The following ELAC2 variants were observed in gnomAD, a reference collection of about 807,000 sequenced individuals.
ELAC2 encodes elaC ribonuclease Z 2, also known as zinc phosphodiesterase ELAC protein 2.
ELAC2 carries 92 observed loss-of-function variants against 105.2 expected under a neutral mutation model. That is an observed-to-expected ratio of 0.87 (90% confidence interval 0.74 to 1.04). The LOEUF (loss-of-function observed/expected upper bound fraction) is 1.04, where lower values mean the gene tolerates loss of function less well. Among genes scored for constraint, ELAC2 ranks in the 50% least tolerant of loss-of-function variants. The probability of loss-of-function intolerance (pLI) is 0.00; values close to 1 mark genes in which losing one functional copy is unlikely to be tolerated. For missense variants in ELAC2, 1,099 were observed against 1,071.7 expected, an observed-to-expected ratio of 1.03 and a Z score of -0.36; for synonymous variants, 468 against 409.1, an observed-to-expected ratio of 1.14 and a Z score of -1.74.
chr17:13,017,590 C>G, intron 1 of ELAC2, 113 bp downstream of exon 1: 2 of 1,556,614 alleles, frequency 1.3e-6, no homozygotes, highest in Admixed American at 3.7e-5. Flanking sequence ...ACCCCCGCAA[C>G]AGTGAACCAC....
chr17:13,004,490 G>A (rs1043993899), intron 11 of ELAC2, among the ~76,000 whole-genome samples: 2 of 152,280 alleles, frequency 1.3e-5, no homozygotes, highest in South Asian at 2.1e-4. Flanking sequence ...AAGCTGAACC[G>A]CAAAACTGGT....
Position 12,994,999 on chromosome 17 carries a change from CA to C in ELAC2, c.1871del (p.Leu624Ter). ...CACATGTTCGCAACAGCGAACTGAT[CA>C]ATCTTTCCACTGCAGGACTGGAGAT... Reference protein sequence around the residue: ...AEISSPAVERLISSLLRTCDL... With the variant: ...AEISSPAVERXISSLLRTCDL... On this transcript the variant is annotated frameshift_variant, in exon 20 of 24. Transcript: ENST00000338034. LOFTEE classifies it high-confidence loss of function. 6.2e-7 allele frequency: 1 copy of C among 1,614,220 alleles called. No homozygotes were observed.
At chr17:12,996,454 T>C (rs2040472212) in intron 17 of ELAC2, 93 bp downstream of exon 17, 2 of 1,594,332 alleles carry the variant, frequency 1.3e-6, no homozygotes, top group South Asian at 1.1e-5. Context: ...CTGGGCAAGT[T>C]TGGAAGCGGA....
At position 12,992,780 on chromosome 17, in the gene ELAC2, A is replaced by C; in HGVS notation, c.*38T>G. On this transcript the variant is annotated 3_prime_UTR_variant, in exon 24 of 24. Transcript: ENST00000338034. ...GATACGGGTGCGTGCGTGGGGCAGA[A>C]GACACACAGCCTTCTGAGTTCAGGG... 1 of 1,611,162 alleles carries C rather than the reference A, an allele frequency of 6.2e-7. No homozygotes were observed. The highest frequency in any genetic ancestry group is 8.5e-7 in the Non-Finnish European group (1 of 1,177,856).
Position 13,011,749 on chromosome 17 carries a change from T to C in ELAC2, c.593A>G (p.Gln198Arg), listed in dbSNP as rs568542622. Residue 198 changes from glutamine to arginine, a missense_variant, in exon 7 of 24, where the codon CAG becomes CGG. Gln to Arg is a conservative substitution (Grantham distance 43). Transcript: ENST00000338034. ...CCTGCTGAGAGGCCTTTCTGGACTC[T>C]GCCATGGTTGGTGCTTTCCCCTCCT... ...EQRRGKHQPW[Q>R]SPERPLSRLS... The C allele has an allele frequency of 3.1e-6, 5 of 1,614,232 alleles. No individual in the cohort carries two copies. Among genetic ancestry groups the C allele is most frequent in the Admixed American group, 3.3e-5 (2 of 60,024 alleles).
At chr17:13,006,357 GAA>G (rs369728521) in intron 8 of ELAC2, 4 of 218,042 alleles carry the variant, frequency 1.8e-5, no homozygotes, top group South Asian at 1.4e-4. Context: ...CAACAAAAGC[GAA>G]AGTCTGTCTC....
rs2040174558 is a variant in ELAC2 at position 12,991,846 on chromosome 17, A to AACTTACTTT, written c.*971_*972insAAAGTAAGT. Among the ~76,000 whole-genome samples the AACTTACTTT allele has an allele frequency of 6.6e-6, 1 of 151,352 alleles. No homozygotes were observed. The highest frequency in any genetic ancestry group is 2.4e-5 in the African/African-American group (1 of 41,214). ...AATATACACAATAAATACTAGATTC[A>AACTTACTTT]ACTTACTTACTTACTTACTTACTTT... On this transcript the variant is annotated 3_prime_UTR_variant, in exon 24 of 24. Coordinates refer to ENST00000338034, the MANE Select transcript of ELAC2 (RefSeq NM_018127.7).
rs552626383 is a variant in ELAC2, at chr17:13,004,979, C to A, written c.983+10G>T. On this transcript the variant is annotated intron_variant, in intron 11 of 23. Transcript: ENST00000338034. ...CTCTCACTTCTCCCACCCTAGAGAC[C>A]CCTCATTACCTCTGAAAGGTGGCAT... is the stretch of plus-strand genomic sequence containing the variant. 3.9e-5 allele frequency: 63 copies of A among 1,601,502 alleles called. No individual in the cohort carries two copies. The highest frequency in any genetic ancestry group is 5.4e-5 in the Non-Finnish European group (63 of 1,168,766).
At chr17:12,994,725 A>C in intron 21 of ELAC2, 39 bp downstream of exon 21, 1 of 1,613,370 alleles carries the variant, frequency 6.2e-7, no homozygotes, top group East Asian at 2.2e-5. Context: ...CACAAACCCC[A>C]GAGCAACCTC....
rs1490740237 is a variant in ELAC2 at position 13,002,515 on chromosome 17, T to C, written c.1144A>G (p.Ser382Gly). ...TTGAGCTGGGTTTGAATCTTGTGGCTGCGAAGGTTGTGAACTGAGGCACAG... is the reference window on the plus strand; with the variant it reads ...TTGAGCTGGGTTTGAATCTTGTGGCCGCGAAGGTTGTGAACTGAGGCACAG... ...ENCASVHNLRSHKIQTQLNLI... is the reference protein window; with the variant it reads ...ENCASVHNLRGHKIQTQLNLI... The change falls in exon 13 of 24, where the codon AGC becomes GGC. Residue 382 changes from serine (S) to glycine (G), a missense_variant. By Grantham distance (56) the Ser-to-Gly change is moderately conservative (BLOSUM62 0). Coordinates refer to ENST00000338034, the MANE Select transcript of ELAC2 (RefSeq NM_018127.7). The C allele has an allele frequency of 1.3e-5, 21 of 1,605,508 alleles. 1 individual carries two copies. Among genetic ancestry groups the C allele is most frequent in the Non-Finnish European group, 1.7e-6 (2 of 1,175,458 alleles).
intron 21 of ELAC2, 29 bp downstream of exon 21, chr17:12,994,735 C>G (rs369900061): frequency 2.1e-5 from 34 of 1,613,540 alleles, no homozygotes; most frequent in Non-Finnish European, 2.7e-5. Context: ...AGAGCAACCT[C>G]AGGGTGGCTT....
intron 1 of ELAC2, chr17:13,017,393 G>A (rs569112394): frequency 7.2e-5 from 45 of 629,116 alleles, no homozygotes; most frequent in Non-Finnish European, 1.2e-4. Flanking sequence ...CACCCCACAC[G>A]CTAACAACGA....
intron 17 of ELAC2, 120 bp downstream of exon 17, chr17:12,996,427 G>T: frequency 6.8e-7 from 1 of 1,471,280 alleles, no homozygotes. Context: ...CCTAGCCAGA[G>T]ATGAGTAACA....
At chr17:13,017,050 G>A (rs1293306714) in intron 2 of ELAC2, 21 bp downstream of exon 2, 2 of 1,613,806 alleles carry the variant, frequency 1.2e-6, no homozygotes, top group East Asian at 2.2e-5. Flanking sequence ...CTCCCCCTCC[G>A]AAAGCAAGAG....
At chr17:13,016,953 A>G in intron 2 of ELAC2, 21 bp from the exon 3 acceptor site, 3 of 1,613,798 alleles carry the variant, frequency 1.9e-6, no homozygotes, top group Non-Finnish European at 2.5e-6. Context: ...AAAAACATTT[A>G]AACAGGATAA....
rs755040798 is a variant in ELAC2, at chr17:13,013,281, A to G, written c.491-6T>C. On this transcript the variant is annotated splice_region_variant and splice_polypyrimidine_tract_variant and intron_variant, in intron 5 of 23. Coordinates refer to ENST00000338034, the MANE Select transcript of ELAC2 (RefSeq NM_018127.7). ...GGCAGAGTGGGGCCGCACAGCTACAAGAAAACCACACAACAGCAAAGTGAT... is the reference window on the plus strand; with the variant it reads ...GGCAGAGTGGGGCCGCACAGCTACAGGAAAACCACACAACAGCAAAGTGAT... 8 of 1,613,512 alleles carry G rather than the reference A, an allele frequency of 5.0e-6. No individual in the cohort carries two copies. In the African/African-American group the frequency reaches 5.3e-5, roughly 11 times the overall value.
intron 21 of ELAC2, 64 bp from the exon 22 acceptor site, chr17:12,994,567 A>G: frequency 6.2e-7 from 1 of 1,604,984 alleles, no homozygotes; most frequent in Non-Finnish European, 8.5e-7. Context: ...GGCCTCAGTC[A>G]CGTGCTGTTT....
chr17:12,994,462 C>T lies in ELAC2; in HGVS notation c.2071G>A (p.Asp691Asn). The change falls in exon 22 of 24, where the codon GAT (aspartate) becomes AAT (asparagine). Residue 691 changes from aspartate to asparagine, a missense_variant. Transcript: ENST00000338034. ...TLLIHEATLEDGLEEEAVEKT... is the reference protein window; with the variant it reads ...TLLIHEATLENGLEEEAVEKT... ...TCCACTGCTTCCTCTTCCAAACCAT[C>T]TTCCAGGGTGGCTTCATGTATCAGG... 6.2e-7 allele frequency: 1 copy of T among 1,614,228 alleles called. No homozygotes were observed. Among genetic ancestry groups the T allele is most frequent in the Non-Finnish European group, 8.5e-7 (1 of 1,180,048 alleles).
intron 8 of ELAC2, among the ~76,000 whole-genome samples, chr17:13,007,510 C>T (rs2041175649): frequency 6.6e-6 from 1 of 152,198 alleles, no homozygotes; most frequent in Non-Finnish European, 1.5e-5. Flanking sequence ...AACTAACAAC[C>T]ATGTCACGAC....
Sources: gnomAD v4.1 joint callset for allele counts (sites outside exome capture counted in the v4.1 genomes callset) on GRCh38, gnomAD v4.1.1 for gene constraint, MANE v1.5 for transcripts, NCBI Gene and HGNC (gene_info 2026-07-23, HGNC 2026-07-21) for gene names.